PXT1: variants seen among roughly 807,000 people sequenced by gnomAD.
PXT1 encodes the protein peroxisomal testis-specific protein 1.
PXT1 carries 11 observed loss-of-function variants against 11.0 expected under a neutral mutation model. The ratio of observed to expected loss-of-function variants is 1.00; its 90% CI spans 0.63 to 1.66. The LOEUF is 1.66. PXT1 is among the 40% of genes most tolerant of loss of function. PXT1 has a pLI of 0.00. For synonymous variants in PXT1, 43 were observed against 51.4 expected (o/e 0.84, Z 0.70); for missense variants, 141 against 155.5 (o/e 0.91, Z 0.49).
At chr6:36,440,027 G>A (rs986534189) in intron 1 of PXT1, among the ~76,000 whole-genome samples, 4 of 152,192 alleles carry the variant, frequency 2.6e-5, no homozygotes, top group Non-Finnish European at 5.9e-5. Flanking sequence ...GAGCCCAGGA[G>A]GTTGAGGTTG....
At chr6:36,409,862 GAGAAAGAA>G (rs1554152310) in intron 3 of PXT1, among the ~76,000 whole-genome samples, 3 of 143,642 alleles carry the variant, frequency 2.1e-5, no homozygotes, top group South Asian at 2.3e-4. Flanking sequence ...AGGAAGGAAG[GAGAAAGAA>G]AAGAAAAGAA....
intron 4 of PXT1, among the ~76,000 whole-genome samples, chr6:36,397,583 G>A (rs1425871756): frequency 2.6e-5 from 4 of 152,142 alleles, no homozygotes; most frequent in African/African-American, 9.7e-5. Flanking sequence ...ACATAAGTGT[G>A]ACACCCAAAG....
intron 3 of PXT1, among the ~76,000 whole-genome samples, chr6:36,421,776 T>C (rs1236627051): frequency 6.6e-6 from 1 of 152,210 alleles, no homozygotes; most frequent in Non-Finnish European, 1.5e-5. Context: ...GCTTAGTTTC[T>C]ACAAACTTTT....
chr6:36,437,604 C>T lies in PXT1; in HGVS notation c.-10+1163G>A, dbSNP rs560939074. Among the ~76,000 whole-genome samples, 15 of 150,176 alleles carry T rather than the reference C, an allele frequency of 1.0e-4. No individual in the cohort carries two copies. The East Asian group carries it at 2.6e-3, about 26-fold the overall frequency. ...TCTCGGCTCACTGCAATCTCTGCCT[C>T]CTGGGTTCATGCCATTCTCCTGCCT... On this transcript the variant is annotated intron_variant, in intron 2 of 4. Transcript: ENST00000454782.
At chr6:36,429,271 CAA>C (rs1204448264) in intron 2 of PXT1, among the ~76,000 whole-genome samples, 2 of 69,506 alleles carry the variant, frequency 2.9e-5, no homozygotes, top group Non-Finnish European at 5.4e-5. Flanking sequence ...GACCCTGTCT[CAA>C]AAAAAAAAAA....
chr6:36,409,863 A>AAG (rs70975155), intron 3 of PXT1, among the ~76,000 whole-genome samples: 21 of 145,802 alleles, frequency 1.4e-4, no homozygotes, highest in Middle Eastern at 3.4e-3. Flanking sequence ...GGAAGGAAGG[A>AAG]GAAAGAAAAG....
intron 3 of PXT1, among the ~76,000 whole-genome samples, chr6:36,416,379 A>G (rs1194995291): frequency 1.3e-5 from 2 of 152,158 alleles, no homozygotes. Context: ...AGAAATGGAA[A>G]AAAGAAAACT....
At chr6:36,437,389 A>T (rs915921017) in intron 2 of PXT1, among the ~76,000 whole-genome samples, 1 of 152,144 alleles carries the variant, frequency 6.6e-6, no homozygotes, top group African/African-American at 2.4e-5. Flanking sequence ...CCACAAAAAA[A>T]TTGTCCTACA....
At chr6:36,407,960 T>TC (rs1774313805) in intron 3 of PXT1, among the ~76,000 whole-genome samples, 1 of 148,006 alleles carries the variant, frequency 6.8e-6, no homozygotes, top group African/African-American at 2.5e-5. Flanking sequence ...TTTCTTTCTT[T>TC]TTTTTTTTTT....
At chr6:36,414,497 T>C (rs1001917947) in intron 3 of PXT1, among the ~76,000 whole-genome samples, 2 of 152,218 alleles carry the variant, frequency 1.3e-5, no homozygotes, top group Non-Finnish European at 1.5e-5. Context: ...GGGATTGTTT[T>C]ATACTTCCTT....
intron 3 of PXT1, among the ~76,000 whole-genome samples, chr6:36,404,611 C>T (rs1414161327): frequency 1.3e-5 from 2 of 151,832 alleles, no homozygotes; most frequent in Admixed American, 6.6e-5. Flanking sequence ...TGTGCACCAC[C>T]GTGCCCGGAC....
At chr6:36,430,796 T>A (rs1454305012) in intron 2 of PXT1, among the ~76,000 whole-genome samples, 1 of 150,880 alleles carries the variant, frequency 6.6e-6, no homozygotes, top group African/African-American at 2.5e-5. Flanking sequence ...TTTTATTTAA[T>A]TTTTTTTTAA....
intron 3 of PXT1, among the ~76,000 whole-genome samples, chr6:36,420,979 C>T (rs535693387): frequency 1.3e-5 from 2 of 151,004 alleles, no homozygotes; most frequent in South Asian, 2.1e-4. Context: ...CGCTTGAACC[C>T]GGGAGGCGGA....
chr6:36,439,428 C>G (rs1190692197), intron 1 of PXT1, among the ~76,000 whole-genome samples: 1 of 150,814 alleles, frequency 6.6e-6, no homozygotes, highest in Non-Finnish European at 1.5e-5. Context: ...CCTGGCCAAC[C>G]TGGTGAAACC....
chr6:36,439,205 A>G (rs908881359), intron 1 of PXT1, among the ~76,000 whole-genome samples: 27 of 148,556 alleles, frequency 1.8e-4, no homozygotes, highest in Admixed American at 1.5e-3. Flanking sequence ...ACCATGTTGG[A>G]CAGGCTGGTC....
At chr6:36,392,433 C>T (rs1774082701) in intron 4 of PXT1, among the ~76,000 whole-genome samples, 1 of 152,122 alleles carries the variant, frequency 6.6e-6, no homozygotes, top group Non-Finnish European at 1.5e-5. Flanking sequence ...CTTTGGGAGG[C>T]CAAGGCAGGT....
At chr6:36,439,543 G>A (rs938473872) in intron 1 of PXT1, among the ~76,000 whole-genome samples, 1 of 151,598 alleles carries the variant, frequency 6.6e-6, no homozygotes, top group African/African-American at 2.4e-5. Flanking sequence ...AATCCGGGAG[G>A]TGGAGGTAGC....
At chr6:36,392,802 C>A (rs1424060221) in intron 4 of PXT1, among the ~76,000 whole-genome samples, 1 of 152,100 alleles carries the variant, frequency 6.6e-6, no homozygotes, top group Non-Finnish European at 1.5e-5. Context: ...GACACAAATG[C>A]TCCCCCGCCT....
At chr6:36,420,567 T>G (rs763380067) in intron 3 of PXT1, among the ~76,000 whole-genome samples, 3 of 151,340 alleles carry the variant, frequency 2.0e-5, no homozygotes, top group African/African-American at 7.3e-5. Flanking sequence ...ACTGGGGGAG[T>G]GAGAACTGAG....
Sources: allele counts gnomAD v4.1 joint callset (sites outside exome capture counted in the v4.1 genomes callset), GRCh38; gene constraint gnomAD v4.1.1; transcripts MANE v1.5; gene names NCBI Gene and HGNC (gene_info 2026-07-23, HGNC 2026-07-21).